The following SNTG1 variants were observed in gnomAD, a reference collection of about 807,000 sequenced individuals.
SNTG1 encodes gamma-1-syntrophin.
SNTG1 carries 39 observed loss-of-function variants against 74.7 expected under a neutral mutation model. The observed-to-expected ratio is 0.52, with a 90% confidence interval of 0.40 to 0.68. The LOEUF is 0.68. Ranked by LOEUF, SNTG1 falls within the 30% of genes least tolerant of loss-of-function variation. The probability of loss-of-function intolerance (pLI) is 0.00; values close to 1 mark genes in which losing one functional copy is unlikely to be tolerated. For synonymous variants in SNTG1, 254 were observed against 217.1 expected (o/e 1.17, Z -1.49); for missense variants, 685 against 609.5 (o/e 1.12, Z -1.30).
chr8:50,689,978 A>C (rs916986867), intron 15 of SNTG1, among the ~76,000 whole-genome samples: 5 of 152,112 alleles, frequency 3.3e-5, no homozygotes, highest in African/African-American at 2.4e-5. Context: ...TAGTCTTGGG[A>C]GGATGTATGT....
intron 17 of SNTG1, among the ~76,000 whole-genome samples, chr8:50,736,051 T>C (rs12681303): frequency 0.42 from 63,293 of 151,720 alleles, 15,674 homozygotes; most frequent in African/African-American, 0.7. Flanking sequence ...AAATAAAATC[T>C]TTTACAAACA....
intron 1 of SNTG1, among the ~76,000 whole-genome samples, chr8:49,984,747 G>A (rs2130200890): frequency 6.6e-6 from 1 of 152,236 alleles, no homozygotes; most frequent in South Asian, 2.1e-4. Flanking sequence ...GAATCAGCAT[G>A]CTAAGTACAG....
chr8:50,790,687 G>GT (rs2095688352), intron 18 of SNTG1, among the ~76,000 whole-genome samples: 1 of 151,842 alleles, frequency 6.6e-6, no homozygotes, highest in Non-Finnish European at 1.5e-5. Flanking sequence ...TTGGTCTCCT[G>GT]CTTTCTCTTC....
intron 1 of SNTG1, among the ~76,000 whole-genome samples, chr8:50,044,344 G>A (rs1199246067): frequency 6.6e-6 from 1 of 152,126 alleles, no homozygotes; most frequent in Non-Finnish European, 1.5e-5. Flanking sequence ...CATTTTAGAG[G>A]GAATCACAAG....
chr8:50,430,371 A>G (rs1320578399), intron 4 of SNTG1, among the ~76,000 whole-genome samples: 1 of 152,130 alleles, frequency 6.6e-6, no homozygotes, highest in African/African-American at 2.4e-5. Flanking sequence ...GTCCCCAACT[A>G]GTTTCCACAA....
At chr8:50,105,345 T>C (rs1249841689) in intron 1 of SNTG1, among the ~76,000 whole-genome samples, 1 of 152,110 alleles carries the variant, frequency 6.6e-6, no homozygotes, top group Non-Finnish European at 1.5e-5. Context: ...TGTAGGTGTG[T>C]AGTTTTATTT....
At chr8:49,968,851 A>G (rs1282947051) in intron 1 of SNTG1, among the ~76,000 whole-genome samples, 4 of 152,174 alleles carry the variant, frequency 2.6e-5, no homozygotes, top group Non-Finnish European at 5.9e-5. Context: ...CATTCCGGAT[A>G]GAACTGGGGA....
chr8:50,243,363 A>G (rs1233318308), intron 2 of SNTG1, among the ~76,000 whole-genome samples: 1 of 152,176 alleles, frequency 6.6e-6, no homozygotes, highest in Admixed American at 6.5e-5. Context: ...TGAATAATTC[A>G]ATTATGGAGT....
At chr8:50,630,691 G>A (rs1474638988) in intron 13 of SNTG1, among the ~76,000 whole-genome samples, 1 of 152,184 alleles carries the variant, frequency 6.6e-6, no homozygotes, top group Non-Finnish European at 1.5e-5. Context: ...TGCAGGTAAT[G>A]TGATGAGAAC....
rs1398639100 is a variant in SNTG1, at chr8:50,609,856, CT to C, written c.849+18940del. 5.5e-4 allele frequency among the ~76,000 whole-genome samples: 83 copies of C among 151,976 alleles called. 1 individual carries two copies. The highest frequency in any genetic ancestry group is 3.4e-3 in the Middle Eastern group (1 of 294). Reference sequence around the variant, plus strand: ...GTTTCTTATTTTTAAATTTCTGTTTCTCTATTGAAGTTGTCTATTTGTTGAG... The same window carrying C: ...GTTTCTTATTTTTAAATTTCTGTTTCCTATTGAAGTTGTCTATTTGTTGAG... On this transcript the variant is annotated intron_variant, in intron 13 of 18. Transcript: ENST00000642720.
intron 3 of SNTG1, among the ~76,000 whole-genome samples, chr8:50,395,507 T>G (rs11780767): frequency 9.4e-3 from 14 of 1,494 alleles, no homozygotes; most frequent in Admixed American, 0.02. Flanking sequence ...CTAATTTCTG[T>G]TTTTTTTTTT....
chr8:50,408,110 T>G (rs77992636), intron 4 of SNTG1, among the ~76,000 whole-genome samples: 2,780 of 152,280 alleles, frequency 0.018, 79 homozygotes, highest in African/African-American at 0.064. Flanking sequence ...AAACAATGCC[T>G]AGGTGCTGTT....
chr8:50,548,673 A>T (rs1343080075), intron 11 of SNTG1, among the ~76,000 whole-genome samples: 1 of 152,200 alleles, frequency 6.6e-6, no homozygotes, highest in Non-Finnish European at 1.5e-5. Flanking sequence ...GTTTAATACC[A>T]CAGAGAACAA....
intron 2 of SNTG1, among the ~76,000 whole-genome samples, chr8:50,275,200 T>C (rs1455807853): frequency 6.6e-6 from 1 of 152,202 alleles, no homozygotes; most frequent in East Asian, 1.9e-4. Flanking sequence ...TAAAAAATTA[T>C]TAGTTATTGA....
At chr8:50,238,130 A>G (rs2085999257) in intron 2 of SNTG1, among the ~76,000 whole-genome samples, 1 of 152,130 alleles carries the variant, frequency 6.6e-6, no homozygotes, top group Non-Finnish European at 1.5e-5. Flanking sequence ...TTTTCACAGA[A>G]TTAGAAAAAT....
At chr8:50,067,561 C>T (rs1820996882) in intron 1 of SNTG1, among the ~76,000 whole-genome samples, 1 of 152,136 alleles carries the variant, frequency 6.6e-6, no homozygotes, top group Non-Finnish European at 1.5e-5. Context: ...CTTTTTTAGT[C>T]TTCCCTTTGA....
chr8:50,098,255 C>T (rs902360539), intron 1 of SNTG1, among the ~76,000 whole-genome samples: 1 of 152,028 alleles, frequency 6.6e-6, no homozygotes, highest in African/African-American at 2.4e-5. Context: ...CTAATTTATC[C>T]CAATTTCATG....
intron 1 of SNTG1, among the ~76,000 whole-genome samples, chr8:50,113,664 T>C (rs963553403): frequency 6.6e-6 from 1 of 152,184 alleles, no homozygotes; most frequent in Non-Finnish European, 1.5e-5. Context: ...CTTGTGCCAG[T>C]TTTCAAAGGG....
intron 2 of SNTG1, among the ~76,000 whole-genome samples, chr8:50,328,311 T>C (rs1459218132): frequency 1.3e-5 from 2 of 152,188 alleles, no homozygotes; most frequent in Non-Finnish European, 2.9e-5. Flanking sequence ...AGTACTAACT[T>C]CATGCTTTTG....
Sources: gnomAD v4.1 joint callset for allele counts (sites outside exome capture counted in the v4.1 genomes callset) on GRCh38, gnomAD v4.1.1 for gene constraint, MANE v1.5 for transcripts, NCBI Gene and HGNC (gene_info 2026-07-23, HGNC 2026-07-21) for gene names.